The following CSMD1 variants were observed in gnomAD, a reference collection of about 807,000 sequenced individuals.
CSMD1 encodes CUB and Sushi multiple domains 1, also known as CUB and sushi domain-containing protein 1.
Under a neutral mutation model 417.5 loss-of-function variants are expected in CSMD1, and 213 were observed. That is an observed-to-expected ratio of 0.51 (90% confidence interval 0.46 to 0.57). The LOEUF is 0.57. CSMD1 is among the 20% of genes least tolerant of loss of function. CSMD1 has a pLI of 0.00. For missense variants in CSMD1, 6,923 were observed against 4,529.7 expected (o/e 1.53, Z -15.17); for synonymous variants, 2,862 against 1,736.8 (o/e 1.65, Z -16.11).
chr8:4,245,952 A>C (rs1204753788), intron 3 of CSMD1, among the ~76,000 whole-genome samples: 2 of 152,198 alleles, frequency 1.3e-5, no homozygotes, highest in Non-Finnish European at 2.9e-5. Context: ...CCTTCTAAAC[A>C]ATACAATCTA....
In CSMD1 at chr8:3,531,441, C is replaced by T. The variant is rs555509283; in HGVS notation, c.1345-37715G>A. Among the ~76,000 whole-genome samples, 10 of 152,176 alleles carry T rather than the reference C, an allele frequency of 6.6e-5. No individual in the cohort carries two copies. In the South Asian group the frequency reaches 1.0e-3, roughly 16 times the overall value. On this transcript the variant is annotated intron_variant, in intron 10 of 69. Coordinates refer to ENST00000635120, the MANE Select transcript of CSMD1 (RefSeq NM_033225.6). ...ACATTATTCTATATGTGATAAACAT[C>T]ACCCCTCAAAAAATCAAATATAAAA... is the stretch of plus-strand genomic sequence containing the variant.
chr8:4,021,483 G>A (rs942510597), intron 4 of CSMD1, among the ~76,000 whole-genome samples: 16 of 152,116 alleles, frequency 1.1e-4, no homozygotes, highest in African/African-American at 1.7e-4. Context: ...TGTGGCAGTT[G>A]AATCCGCTAC....
intron 3 of CSMD1, among the ~76,000 whole-genome samples, chr8:4,290,810 A>G (rs1585169123): frequency 6.6e-6 from 1 of 152,360 alleles, no homozygotes; most frequent in African/African-American, 2.4e-5. Context: ...TCAAGAAATC[A>G]CAATTTGTAA....
intron 5 of CSMD1, among the ~76,000 whole-genome samples, chr8:3,955,308 G>A (rs532790570): frequency 2.6e-5 from 4 of 152,188 alleles, no homozygotes; most frequent in African/African-American, 9.6e-5. Context: ...CACACATCCA[G>A]TGTGTTCTTG....
At chr8:4,869,344 C>G (rs140997355) in intron 1 of CSMD1, among the ~76,000 whole-genome samples, 2,289 of 152,012 alleles carry the variant, frequency 0.015, 71 homozygotes, top group African/African-American at 0.052. Context: ...AACTGGATCT[C>G]TTTCCTTTAT....
intron 3 of CSMD1, among the ~76,000 whole-genome samples, chr8:4,037,996 T>C (rs1482637824): frequency 9.9e-5 from 15 of 152,280 alleles, no homozygotes; most frequent in African/African-American, 3.6e-4. Flanking sequence ...ATGTATAATT[T>C]TAGTCACTTT....
At chr8:3,980,459 GA>G (rs1366964170) in intron 5 of CSMD1, among the ~76,000 whole-genome samples, 2 of 152,218 alleles carry the variant, frequency 1.3e-5, no homozygotes, top group African/African-American at 2.4e-5. Context: ...CGTTTGTGAA[GA>G]TTTTTTTTTG....
intron 25 of CSMD1, among the ~76,000 whole-genome samples, chr8:3,293,929 G>T (rs1161508297): frequency 6.6e-6 from 1 of 152,138 alleles, no homozygotes; most frequent in East Asian, 1.9e-4. Context: ...CAGTTTTTCT[G>T]CTCTGTTTTT....
intron 3 of CSMD1, among the ~76,000 whole-genome samples, chr8:4,305,272 G>A (rs908785671): frequency 6.6e-6 from 1 of 152,310 alleles, no homozygotes; most frequent in East Asian, 1.9e-4. Context: ...CCAATGCCTG[G>A]GAACTGAGCT....
chr8:3,172,627 C>A (rs879819388), intron 37 of CSMD1, among the ~76,000 whole-genome samples: 6 of 151,950 alleles, frequency 3.9e-5, no homozygotes, highest in Admixed American at 3.9e-4. Flanking sequence ...TGGTGGTGCA[C>A]GTAGGGAACC....
At chr8:4,798,281 G>C (rs979681548) in intron 1 of CSMD1, among the ~76,000 whole-genome samples, 1 of 152,108 alleles carries the variant, frequency 6.6e-6, no homozygotes, top group East Asian at 1.9e-4. Context: ...CTGTCCTTGC[G>C]CTAGTTTGCT....
intron 1 of CSMD1, among the ~76,000 whole-genome samples, chr8:4,756,488 G>T (rs1335553330): frequency 6.6e-6 from 1 of 152,138 alleles, no homozygotes; most frequent in Non-Finnish European, 1.5e-5. Context: ...ATATATAAAT[G>T]TAAATAATAT....
intron 5 of CSMD1, among the ~76,000 whole-genome samples, chr8:3,757,473 G>A (rs1232646494): frequency 6.6e-6 from 1 of 152,056 alleles, no homozygotes; most frequent in Non-Finnish European, 1.5e-5. Context: ...TATTTTTTCA[G>A]TCACTTAACA....
intron 1 of CSMD1, among the ~76,000 whole-genome samples, chr8:4,758,972 G>C (rs1468553876): frequency 6.6e-6 from 1 of 151,362 alleles, no homozygotes; most frequent in African/African-American, 2.5e-5. Context: ...TGCACAGAGT[G>C]AAGTGCATTG....
In CSMD1 at chr8:3,004,820, T is replaced by C. The variant is rs532819139; in HGVS notation, c.8030-4689A>G. The stretch of plus-strand genomic sequence containing the variant: ...GCTCCAGTGACTCCGTTTTACACAC[T>C]GTTCTACAAAATATGTCATTGGAAT... On this transcript the variant is annotated intron_variant, in intron 52 of 69. Coordinates refer to ENST00000635120, the MANE Select transcript of CSMD1 (RefSeq NM_033225.6). Among the ~76,000 whole-genome samples, 12 of 152,302 alleles carry C rather than the reference T, an allele frequency of 7.9e-5. No individual in the cohort carries two copies. In the South Asian group the frequency reaches 2.5e-3, roughly 32 times the overall value.
At chr8:4,729,196 A>T (rs1401852751) in intron 1 of CSMD1, among the ~76,000 whole-genome samples, 1 of 152,222 alleles carries the variant, frequency 6.6e-6, no homozygotes, top group Non-Finnish European at 1.5e-5. Flanking sequence ...GGAAACAAAT[A>T]AAAATGCTGT....
chr8:3,990,505 T>C (rs1390380575), intron 5 of CSMD1, among the ~76,000 whole-genome samples: 1 of 152,214 alleles, frequency 6.6e-6, no homozygotes, highest in Non-Finnish European at 1.5e-5. Context: ...GACAATTTTA[T>C]GGAATCTTAG....
At chr8:4,755,902 G>T (rs761720941) in intron 1 of CSMD1, among the ~76,000 whole-genome samples, 1 of 152,094 alleles carries the variant, frequency 6.6e-6, no homozygotes, top group Non-Finnish European at 1.5e-5. Flanking sequence ...TCGGCCTTCA[G>T]TTTTTTCCTT....
intron 49 of CSMD1, among the ~76,000 whole-genome samples, chr8:3,064,314 T>C (rs1304395465): frequency 6.6e-6 from 1 of 152,180 alleles, no homozygotes; most frequent in Non-Finnish European, 1.5e-5. Context: ...GCTGTTCTCA[T>C]GATGGTGAGT....
Sources: gnomAD v4.1 joint callset for allele counts (sites outside exome capture counted in the v4.1 genomes callset) on GRCh38, gnomAD v4.1.1 for gene constraint, MANE v1.5 for transcripts, NCBI Gene and HGNC (gene_info 2026-07-23, HGNC 2026-07-21) for gene names.